Variants in ADCK1 observed in about 807,000 individuals in gnomAD.
ADCK1 encodes aarF domain-containing protein kinase 1.
In ADCK1, 41 loss-of-function variants were observed where a neutral mutation model predicts 52.3. The observed-to-expected ratio is 0.78, with a 90% CI of 0.61 to 1.02. The LOEUF is 1.02. Among genes scored for constraint, ADCK1 ranks in the 50% least tolerant of loss-of-function variants. ADCK1 has a pLI of 0.00. For missense variants in ADCK1, 658 were observed against 679.5 expected, an observed-to-expected ratio of 0.97 and a Z score of 0.35; for synonymous variants, 250 against 274.6, an observed-to-expected ratio of 0.91 and a Z score of 0.89.
intron 3 of ADCK1, among the ~76,000 whole-genome samples, chr14:77,828,329 G>C (rs17106419): frequency 0.039 from 5,904 of 152,216 alleles, 181 homozygotes; most frequent in South Asian, 0.13. Flanking sequence ...TTATAAGAAT[G>C]GAAATGAGAA....
chr14:77,818,926 C>T (rs774441274), intron 1 of ADCK1, 42 bp from the exon 2 acceptor site: 34 of 1,602,466 alleles, frequency 2.1e-5, no homozygotes, highest in Non-Finnish European at 2.6e-5. Context: ...AACTATGAAA[C>T]TTTTAACTGC....
chr14:77,884,104 A>G (rs2083093720), intron 4 of ADCK1, among the ~76,000 whole-genome samples: 1 of 152,236 alleles, frequency 6.6e-6, no homozygotes, highest in African/African-American at 2.4e-5. Context: ...GTGCCCCTGC[A>G]ATGACACTGG....
chr14:77,905,267 G>A lies in ADCK1; in HGVS notation c.742-2536G>A, dbSNP rs139380634. The stretch of plus-strand genomic sequence containing the variant: ...CAAGCACAGAGAAGCTCCAGCCTGT[G>A]GGATTTCTGTTTCCACCTGTGACTC... On this transcript the variant is annotated intron_variant, in intron 6 of 10. Transcript: ENST00000238561. 2.4e-3 allele frequency among the ~76,000 whole-genome samples: 354 copies of A among 145,678 alleles called. 2 individuals are homozygous for A. Among genetic ancestry groups the A allele is most frequent in the African/African-American group, 8.8e-3 (341 of 38,798 alleles).
chr14:77,803,448 G>A (rs914747956), intron 1 of ADCK1, among the ~76,000 whole-genome samples: 11 of 152,310 alleles, frequency 7.2e-5, no homozygotes, highest in Non-Finnish European at 1.3e-4. Flanking sequence ...TGAACAGTAA[G>A]TGCTTGGTTT....
intron 7 of ADCK1, among the ~76,000 whole-genome samples, chr14:77,919,817 C>T (rs1261820775): frequency 6.6e-6 from 1 of 152,056 alleles, no homozygotes; most frequent in Non-Finnish European, 1.5e-5. Flanking sequence ...TTTTGATTTG[C>T]ATTTCCCTGA....
chr14:77,900,599 C>T (rs777538039), intron 6 of ADCK1: 8 of 455,818 alleles, frequency 1.8e-5, no homozygotes, highest in Middle Eastern at 3.2e-4. Flanking sequence ...GGAACAACAA[C>T]AACAACAAAA....
chr14:77,845,121 C>T (rs2082150205), intron 3 of ADCK1, among the ~76,000 whole-genome samples: 1 of 152,206 alleles, frequency 6.6e-6, no homozygotes, highest in Non-Finnish European at 1.5e-5. Flanking sequence ...TCCCAGAATC[C>T]AGGTCCCTTG....
chr14:77,822,946 G>C (rs1022130013), intron 3 of ADCK1, among the ~76,000 whole-genome samples: 5 of 152,298 alleles, frequency 3.3e-5, no homozygotes, highest in African/African-American at 1.2e-4. Context: ...TGACTCAGGA[G>C]GGATGTAGGC....
chr14:77,850,261 G>C (rs2082255270), intron 3 of ADCK1, among the ~76,000 whole-genome samples: 1 of 152,164 alleles, frequency 6.6e-6, no homozygotes, highest in Admixed American at 6.6e-5. Context: ...TCTTATACTT[G>C]AAAATAATGT....
At chr14:77,853,795 G>C (rs1404040457) in intron 3 of ADCK1, among the ~76,000 whole-genome samples, 1 of 152,168 alleles carries the variant, frequency 6.6e-6, no homozygotes, top group Non-Finnish European at 1.5e-5. Flanking sequence ...GGTCTCTGCA[G>C]ATCTTTAGTG....
intron 1 of ADCK1, among the ~76,000 whole-genome samples, chr14:77,808,523 T>G (rs2081274801): frequency 6.6e-6 from 1 of 152,222 alleles, no homozygotes; most frequent in Non-Finnish European, 1.5e-5. Flanking sequence ...AAAACTATGT[T>G]CAAAATGGAT....
At chr14:77,933,155 T>C in intron 10 of ADCK1, 65 bp from the exon 11 acceptor site, 3 of 1,537,240 alleles carry the variant, frequency 2.0e-6, no homozygotes, top group Non-Finnish European at 2.7e-6. Flanking sequence ...TTTTTCTAAA[T>C]GATACAGAGC....
At chr14:77,811,059 A>C (rs1385435492) in intron 1 of ADCK1, among the ~76,000 whole-genome samples, 3 of 151,908 alleles carry the variant, frequency 2.0e-5, no homozygotes, top group Admixed American at 1.3e-4. Flanking sequence ...CCCTTTCAGC[A>C]GAAAATACTC....
At chr14:77,865,196 C>T (rs777946099) in intron 4 of ADCK1, among the ~76,000 whole-genome samples, 86 of 151,584 alleles carry the variant, frequency 5.7e-4, no homozygotes, top group Non-Finnish European at 1.1e-3. Context: ...TACCCTCACA[C>T]AGCTGAGTGC....
intron 2 of ADCK1, among the ~76,000 whole-genome samples, chr14:77,821,891 G>T (rs369637174): frequency 2.7e-5 from 3 of 109,604 alleles, no homozygotes; most frequent in South Asian, 3.2e-4. Context: ...CTCTGTCTCA[G>T]AAAAAAAAAA....
intron 9 of ADCK1, among the ~76,000 whole-genome samples, chr14:77,928,360 G>A (rs2084245540): frequency 1.3e-5 from 2 of 152,188 alleles, no homozygotes; most frequent in African/African-American, 4.8e-5. Flanking sequence ...AGAGTCTTCA[G>A]GGTAAGGTGA....
chr14:77,925,904 G>GCGAT lies in ADCK1; in HGVS notation c.1152_1155dup (p.Trp386IlefsTer18). 6.2e-7 allele frequency: 1 copy of GCGAT among 1,614,184 alleles called. No individual in the cohort carries two copies. Among genetic ancestry groups the GCGAT allele is most frequent in the Non-Finnish European group, 8.5e-7 (1 of 1,180,050 alleles). ...CCTTGTTTGCCTGCATGCTGACGGC[G>GCGAT]CGATCGTGGGACTCGGTCAACAGAG... On this transcript the variant is annotated frameshift_variant, in exon 9 of 11. Transcript: ENST00000238561. LOFTEE classifies it high-confidence loss of function.
chr14:77,854,543 C>T (rs1482526212), intron 3 of ADCK1, among the ~76,000 whole-genome samples: 1 of 140,240 alleles, frequency 7.1e-6, no homozygotes, highest in Non-Finnish European at 1.5e-5. Context: ...TAGCAGCTCT[C>T]TTCGGAGTGG....
intron 1 of ADCK1, among the ~76,000 whole-genome samples, chr14:77,807,932 C>T (rs1041469923): frequency 2.0e-5 from 3 of 152,186 alleles, no homozygotes; most frequent in Non-Finnish European, 2.9e-5. Flanking sequence ...CATGAGCCAC[C>T]ACTCCTGGCC....
Sources: allele counts gnomAD v4.1 joint callset (sites outside exome capture counted in the v4.1 genomes callset), GRCh38; gene constraint gnomAD v4.1.1; transcripts MANE v1.5; gene names NCBI Gene and HGNC (gene_info 2026-07-23, HGNC 2026-07-21).